The following ADGRL2 variants were observed in gnomAD, a reference collection of about 807,000 sequenced individuals.
ADGRL2 encodes the protein adhesion G protein-coupled receptor L2.
In ADGRL2, 44 loss-of-function variants were observed where a neutral mutation model predicts 157.4. The observed-to-expected ratio is 0.28, with a 90% confidence interval of 0.22 to 0.36. The LOEUF is 0.36. Among genes scored for constraint, ADGRL2 ranks in the 10% least tolerant of loss-of-function variants. ADGRL2 has a pLI of 1.00. For missense variants in ADGRL2, 1,510 were observed against 1,768.9 expected (o/e 0.85, Z 2.63); for synonymous variants, 585 against 624.7 (o/e 0.94, Z 0.95).
intron 3 of ADGRL2, among the ~76,000 whole-genome samples, chr1:81,675,140 G>A (rs908308613): frequency 6.6e-6 from 1 of 152,120 alleles, no homozygotes; most frequent in Non-Finnish European, 1.5e-5. Context: ...AGAGATAATT[G>A]AGGAAAATTA....
chr1:81,426,690 G>C, intron 1 of ADGRL2: 2 of 472,310 alleles, frequency 4.2e-6, no homozygotes, highest in South Asian at 3.2e-5. Context: ...AGGGGGTTTG[G>C]TTTTGTGACT....
At chr1:81,581,737 T>C (rs1195201141) in intron 3 of ADGRL2, among the ~76,000 whole-genome samples, 1 of 152,148 alleles carries the variant, frequency 6.6e-6, no homozygotes, top group Non-Finnish European at 1.5e-5. Flanking sequence ...TTCTGGTTAG[T>C]GGAAAGGGGT....
intron 15 of ADGRL2, among the ~76,000 whole-genome samples, 176 bp from the exon 16 acceptor site, chr1:81,970,138 G>C (rs1353421704): frequency 6.6e-6 from 1 of 152,088 alleles, no homozygotes; most frequent in African/African-American, 2.4e-5. Flanking sequence ...AGATTTGTCA[G>C]GGTTTTTAGC....
chr1:81,965,912 C>T, intron 11 of ADGRL2, 146 bp from the exon 12 acceptor site: 1 of 802,618 alleles, frequency 1.2e-6, no homozygotes, highest in South Asian at 2.4e-5. Context: ...GGTTTTTAGT[C>T]CATGATTTTT....
chr1:81,547,950 A>G (rs2080058158), intron 2 of ADGRL2, among the ~76,000 whole-genome samples: 1 of 152,204 alleles, frequency 6.6e-6, no homozygotes, highest in South Asian at 2.1e-4. Flanking sequence ...ATGTTATTTT[A>G]TGTTTTACTT....
intron 3 of ADGRL2, among the ~76,000 whole-genome samples, chr1:81,685,531 C>T (rs1387335208): frequency 2.0e-5 from 3 of 152,072 alleles, no homozygotes; most frequent in Non-Finnish European, 4.4e-5. Flanking sequence ...TAGGAGCTTT[C>T]TGGAGGAGTC....
chr1:81,871,593 C>T (rs140385795), intron 2 of ADGRL2, among the ~76,000 whole-genome samples: 11,691 of 152,092 alleles, frequency 0.077, 537 homozygotes, highest in South Asian at 0.16. Context: ...CTCTCCAGCA[C>T]CTGTTGTTTC....
At chr1:81,391,888 T>A (rs958852309) in intron 1 of ADGRL2, among the ~76,000 whole-genome samples, 1 of 152,194 alleles carries the variant, frequency 6.6e-6, no homozygotes, top group Non-Finnish European at 1.5e-5. Context: ...TATTAAGTAC[T>A]ACCATTTATT....
At chr1:81,426,639 C>T in intron 1 of ADGRL2, 1 of 476,122 alleles carries the variant, frequency 2.1e-6, no homozygotes, top group South Asian at 1.6e-5. Flanking sequence ...GGCACACTCA[C>T]AGATTGTATG....
chr1:81,829,946 T>C lies in ADGRL2; in HGVS notation c.-100-6939T>C, dbSNP rs564073834. Reference sequence around the variant, plus strand: ...GCACTTGATCTGGATCTTGACCTCTTCATTAAGATGACTGATTGATCTAGG... The same window carrying C: ...GCACTTGATCTGGATCTTGACCTCTCCATTAAGATGACTGATTGATCTAGG... On this transcript the variant is annotated intron_variant, in intron 1 of 23. Coordinates refer to ENST00000686636, the MANE Select transcript of ADGRL2 (RefSeq NM_001366006.2). Among the ~76,000 whole-genome samples, 12 of 152,268 alleles carry C rather than the reference T, an allele frequency of 7.9e-5. No homozygotes were observed. In the South Asian group the frequency reaches 2.5e-3, roughly 32 times the overall value.
chr1:81,774,409 C>T (rs369073774), intron 2 of ADGRL2, among the ~76,000 whole-genome samples: 1 of 152,300 alleles, frequency 6.6e-6, no homozygotes, highest in East Asian at 1.9e-4. Flanking sequence ...GTGCTTTGCA[C>T]TGTCTACTTA....
Position 81,318,894 on chromosome 1 carries a change from T to G in ADGRL2, c.-302+12385T>G, listed in dbSNP as rs554019446. ...TCTACTTTCATTTTTTCATTGCATGTAATAGTCATTTTATCCTCCATCCTC... is the reference window on the plus strand; with the variant it reads ...TCTACTTTCATTTTTTCATTGCATGGAATAGTCATTTTATCCTCCATCCTC... On this transcript the variant is annotated intron_variant, in intron 1 of 24. Transcript: ENST00000370721. Among the ~76,000 whole-genome samples, 44 of 150,852 alleles carry G rather than the reference T, an allele frequency of 2.9e-4. No homozygotes were observed. The South Asian group carries it at 3.1e-3, about 11-fold the overall frequency.
chr1:81,562,021 A>C (rs1001228352), intron 2 of ADGRL2, among the ~76,000 whole-genome samples: 1 of 152,182 alleles, frequency 6.6e-6, no homozygotes, highest in Non-Finnish European at 1.5e-5. Context: ...AAAAAGCTAA[A>C]ATACTTTAAA....
intron 1 of ADGRL2, among the ~76,000 whole-genome samples, chr1:81,755,723 G>T (rs1344641056): frequency 6.6e-6 from 1 of 151,992 alleles, no homozygotes; most frequent in Non-Finnish European, 1.5e-5. Context: ...CTCTTCTTTA[G>T]CATACTTTTC....
At chr1:81,875,257 A>G (rs1382724075) in intron 2 of ADGRL2, among the ~76,000 whole-genome samples, 1 of 152,178 alleles carries the variant, frequency 6.6e-6, no homozygotes, top group East Asian at 1.9e-4. Flanking sequence ...GACAGAGTGA[A>G]CAACTGCTGG....
chr1:81,966,608 A>G lies in ADGRL2; in HGVS notation c.2348A>G (p.Asp783Gly). The change falls in exon 13 of 24, where the codon GAT (aspartate) becomes GGT (glycine). Residue 783 changes from aspartate to glycine, a missense_variant and splice_region_variant. Physicochemically the swap from Asp to Gly is moderately conservative, Grantham distance 94. Coordinates refer to ENST00000686636, the MANE Select transcript of ADGRL2 (RefSeq NM_001366006.2). ...GTGCTTTTTACCCTGCCACACATTG[A>G]TGTAAGTTAATGTATGCTAATGAAG... ...DPVLFTLPHI[D>G]PDNYFNANCS... is the part of the protein sequence containing the mutation. The G allele has an allele frequency of 6.2e-6, 10 of 1,611,706 alleles. No homozygotes were observed. The highest frequency in any genetic ancestry group is 8.5e-6 in the Non-Finnish European group (10 of 1,177,782).
intron 7 of ADGRL2, 107 bp from the exon 8 acceptor site, chr1:81,950,911 G>C (rs1479498232): frequency 2.8e-6 from 2 of 714,594 alleles, no homozygotes; most frequent in Non-Finnish European, 5.1e-6. Flanking sequence ...ACTTGCATTA[G>C]AGTTTATTCA....
At chr1:81,897,895 T>A (rs974589384) in intron 2 of ADGRL2, among the ~76,000 whole-genome samples, 30 of 152,268 alleles carry the variant, frequency 2.0e-4, no homozygotes, top group East Asian at 1.3e-3. Flanking sequence ...TTAGAAAAAA[T>A]TTTTTTGAAG....
intron 3 of ADGRL2, among the ~76,000 whole-genome samples, chr1:81,655,515 C>T (rs756306238): frequency 6.6e-6 from 1 of 152,184 alleles, no homozygotes; most frequent in African/African-American, 2.4e-5. Flanking sequence ...TTTCTACACG[C>T]GTCCTCAAAG....
Sources: gnomAD v4.1 joint callset for allele counts (sites outside exome capture counted in the v4.1 genomes callset) on GRCh38, gnomAD v4.1.1 for gene constraint, MANE v1.5 for transcripts, NCBI Gene and HGNC (gene_info 2026-07-23, HGNC 2026-07-21) for gene names.